Variants in SGSM1 observed in about 807,000 individuals in gnomAD.
The protein encoded by SGSM1 is small G protein signaling modulator 1.
Under a neutral mutation model 133.8 loss-of-function variants are expected in SGSM1, and 73 were observed. That is an observed-to-expected ratio of 0.55 (90% CI 0.45 to 0.66). The LOEUF is 0.66. SGSM1 is among the 30% of genes least tolerant of loss of function. The probability of loss-of-function intolerance (pLI) is 0.00; values close to 1 mark genes in which losing one functional copy is unlikely to be tolerated. For synonymous variants in SGSM1, 563 were observed against 573.0 expected (o/e 0.98, Z 0.25); for missense variants, 1,213 against 1,448.1 (o/e 0.84, Z 2.64).
At chr22:24,865,771 A>AGAAG (rs937607787) in intron 9 of SGSM1, among the ~76,000 whole-genome samples, 2 of 151,952 alleles carry the variant, frequency 1.3e-5, no homozygotes, top group African/African-American at 4.8e-5. Flanking sequence ...GGGGAGGGAG[A>AGAAG]GAAGGAAGGA....
Position 24,868,839 on chromosome 22 carries a change from C to A in SGSM1, c.1275C>A (p.Gly425=). The change falls in exon 12 of 25, where the codon GGC becomes GGA. Residue 425 remains glycine, a synonymous_variant. Coordinates refer to ENST00000400358, the MANE Select transcript of SGSM1 (RefSeq NM_001098497.3). ...ATGTGTTCAGGATCATCTACCCTGG[C>A]ATGCAGTCGGAATTCGGTGAGCTGC... ...TDYVFRIIYP[G]MQSEFVPQDL... 1.2e-6 allele frequency: 2 copies of A among 1,613,862 alleles called. No homozygotes were observed. The highest frequency in any genetic ancestry group is 1.7e-6 in the Non-Finnish European group (2 of 1,179,868).
intron 8 of SGSM1, 84 bp from the exon 9 acceptor site, chr22:24,859,632 G>T: frequency 6.4e-7 from 1 of 1,573,078 alleles, no homozygotes. Flanking sequence ...TTCTGATTAT[G>T]TGTTCTTAAA....
intron 2 of SGSM1, chr22:24,814,168 C>G (rs1454343050): frequency 1.3e-5 from 2 of 152,006 alleles, no homozygotes; most frequent in Non-Finnish European, 2.9e-5. Context: ...TTATTCAAGA[C>G]TAATTAAAAC....
chr22:24,917,836 T>C (rs1933873085), intron 23 of SGSM1, 82 bp downstream of exon 23: 5 of 1,206,046 alleles, frequency 4.1e-6, no homozygotes, highest in Non-Finnish European at 5.9e-6. Context: ...GAGGTGAGGT[T>C]GAGGGGTTGG....
intron 2 of SGSM1, among the ~76,000 whole-genome samples, chr22:24,829,957 G>A (rs1278472595): frequency 6.6e-6 from 1 of 152,174 alleles, no homozygotes; most frequent in Non-Finnish European, 1.5e-5. Flanking sequence ...AGCCTGGAAT[G>A]GGGAGAGGGT....
At chr22:24,866,856 G>A (rs1029440574) in intron 9 of SGSM1, among the ~76,000 whole-genome samples, 1 of 152,184 alleles carries the variant, frequency 6.6e-6, no homozygotes, top group African/African-American at 2.4e-5. Context: ...TGGAGAGTGG[G>A]TGGGGTCGAC....
At chr22:24,845,941 TTTTCTTTC>T (rs200470528) in intron 3 of SGSM1, among the ~76,000 whole-genome samples, 12,001 of 115,152 alleles carry the variant, frequency 0.1, 658 homozygotes, top group Middle Eastern at 0.13. Context: ...TTTTCTTTTC[TTTTCTTTC>T]TTTCTTTCTT....
chr22:24,847,548 T>C lies in SGSM1; in HGVS notation c.140-86T>C, dbSNP rs377524653. 1.4e-5 allele frequency: 21 copies of C among 1,501,468 alleles called. No homozygotes were observed. The South Asian group carries it at 1.7e-4, about 12-fold the overall frequency. The allele number at this position is 1,501,468 out of a possible 1,614,324, so 93.0% of individuals were successfully genotyped here. A position where few individuals can be genotyped will look rare whatever the true frequency, so the allele number is the denominator to read the frequency against. On this transcript the variant is annotated intron_variant, in intron 3 of 24. Coordinates refer to ENST00000400358, the MANE Select transcript of SGSM1 (RefSeq NM_001098497.3). ...GAAGATTGAGAGGGCTCTCCAAGGT[T>C]CCAGTGTCTGACAGAAGCTCTGGGA... is the stretch of plus-strand genomic sequence containing the variant.
At chr22:24,831,696 T>C (rs1208288882) in intron 2 of SGSM1, among the ~76,000 whole-genome samples, 1 of 152,212 alleles carries the variant, frequency 6.6e-6, no homozygotes, top group East Asian at 1.9e-4. Context: ...AAAAGCCCTC[T>C]TGATATCCTT....
At chr22:24,915,228 CAAAAT>C (rs1933781712) in intron 22 of SGSM1, among the ~76,000 whole-genome samples, 1 of 124,826 alleles carries the variant, frequency 8.0e-6, no homozygotes, top group Non-Finnish European at 1.6e-5. Flanking sequence ...GACTCCGTCT[CAAAAT>C]AAATAAATAA....
At chr22:24,845,024 G>T in intron 3 of SGSM1, 52 bp downstream of exon 3, 1 of 1,578,432 alleles carries the variant, frequency 6.3e-7, no homozygotes, top group Non-Finnish European at 8.7e-7. Flanking sequence ...CTGCCTCGGG[G>T]AAGTGGTGTC....
intron 2 of SGSM1, among the ~76,000 whole-genome samples, chr22:24,808,606 G>A (rs1258947187): frequency 6.6e-6 from 1 of 152,164 alleles, no homozygotes; most frequent in Non-Finnish European, 1.5e-5. Context: ...GAATGGGGAG[G>A]GGGCTGCAGG....
chr22:24,886,484 A>G, intron 15 of SGSM1, 116 bp from the exon 16 acceptor site: 2 of 1,342,896 alleles, frequency 1.5e-6, no homozygotes, highest in African/African-American at 1.5e-5. Flanking sequence ...CGGGCAGATC[A>G]CTGAAGGTCA....
intron 21 of SGSM1, among the ~76,000 whole-genome samples, chr22:24,910,711 G>A (rs1432205837): frequency 5.3e-5 from 8 of 152,086 alleles, no homozygotes; most frequent in South Asian, 4.1e-4. Flanking sequence ...TTGGAAGGCC[G>A]AGGCAGGTGG....
chr22:24,808,198 C>T (rs1205958138), intron 2 of SGSM1, among the ~76,000 whole-genome samples: 1 of 150,702 alleles, frequency 6.6e-6, no homozygotes, highest in African/African-American at 2.5e-5. Context: ...ACTAAAAACT[C>T]CACCTCCTGG....
intron 3 of SGSM1, among the ~76,000 whole-genome samples, chr22:24,845,516 T>A (rs902532368): frequency 2.6e-5 from 4 of 152,178 alleles, no homozygotes; most frequent in Non-Finnish European, 5.9e-5. Flanking sequence ...AGAGATGGGG[T>A]CTGAGTGTCT....
chr22:24,827,976 G>A (rs1344499696), intron 2 of SGSM1, among the ~76,000 whole-genome samples: 3 of 151,982 alleles, frequency 2.0e-5, no homozygotes, highest in African/African-American at 7.3e-5. Flanking sequence ...GTGGATGCTG[G>A]GGAGGGATAA....
intron 19 of SGSM1, 58 bp from the exon 20 acceptor site, chr22:24,901,775 G>C: frequency 6.3e-7 from 1 of 1,580,092 alleles, no homozygotes; most frequent in Non-Finnish European, 8.6e-7. Flanking sequence ...CTTTCCAGTG[G>C]GGACTTAGAT....
At chr22:24,854,571 G>A (rs886600599) in intron 5 of SGSM1, among the ~76,000 whole-genome samples, 3 of 152,160 alleles carry the variant, frequency 2.0e-5, no homozygotes, top group Admixed American at 1.3e-4. Context: ...CCAGTGCTTT[G>A]GAGGCCAAGG....
Sources: allele counts gnomAD v4.1 joint callset (sites outside exome capture counted in the v4.1 genomes callset), GRCh38; gene constraint gnomAD v4.1.1; transcripts MANE v1.5; gene names NCBI Gene and HGNC (gene_info 2026-07-23, HGNC 2026-07-21).